Variants in EDDM13 observed in about 807,000 individuals in gnomAD.
EDDM13 encodes the protein epididymal protein 13.
EDDM13 carries 24 observed loss-of-function variants against 17.8 expected under a neutral mutation model. That is an observed-to-expected ratio of 1.35 (90% CI 0.98 to 1.90). The LOEUF (loss-of-function observed/expected upper bound fraction) is 1.90, where lower values mean the gene tolerates loss of function less well. Ranked by LOEUF, EDDM13 falls within the 40% of genes most tolerant of loss-of-function variation. The pLI, the probability that EDDM13 is intolerant of heterozygous loss-of-function variation, is 0.00. For synonymous variants in EDDM13, 31 were observed against 37.5 expected (o/e 0.83, Z 0.63); for missense variants, 97 against 100.8 (o/e 0.96, Z 0.16).
At chr19:56,304,538 C>T (rs2040558628) in intron 13 of EDDM13, among the ~76,000 whole-genome samples, 1 of 152,102 alleles carries the variant, frequency 6.6e-6, no homozygotes, top group Non-Finnish European at 1.5e-5. Flanking sequence ...GCTGAGAAAC[C>T]CCAGCTTAGG....
chr19:56,280,318 T>C (rs1322533874), intron 2 of EDDM13, among the ~76,000 whole-genome samples: 1 of 152,204 alleles, frequency 6.6e-6, no homozygotes, highest in African/African-American at 2.4e-5. Context: ...ATTTCTTGTA[T>C]GGAAGTCCAC....
intron 9 of EDDM13, among the ~76,000 whole-genome samples, chr19:56,294,225 C>T (rs2039709718): frequency 6.6e-6 from 1 of 152,158 alleles, no homozygotes; most frequent in African/African-American, 2.4e-5. Flanking sequence ...GCCTAAGGGC[C>T]CACCAGGTGC....
intron 8 of EDDM13, among the ~76,000 whole-genome samples, chr19:56,290,389 A>G (rs971342691): frequency 2.6e-5 from 4 of 152,232 alleles, no homozygotes; most frequent in Non-Finnish European, 4.4e-5. Flanking sequence ...TGTGGCCTGC[A>G]AAGCCTACAC....
Position 56,297,521 on chromosome 19 carries a change from C to G in EDDM13, c.285C>G (p.Cys95Trp), listed in dbSNP as rs1358675932. ...LQVLHEETSG[C>W]KEEVKPFSGT... ...CATTTTTAGAAGAAACAAGTGGCTG[C>G]AAGGAGGAAGGTAAGTGCTTGGGGT... Residue 95 changes from cysteine (C) to tryptophan (W), a missense_variant, in exon 12 of 15, where the codon TGC becomes TGG. Transcript: ENST00000649256. 1.0e-6 allele frequency: 1 copy of G among 984,984 alleles called. No individual in the cohort carries two copies. Among genetic ancestry groups the G allele is most frequent in the East Asian group, 1.1e-4 (1 of 8,812 alleles). 61.0% of individuals were successfully genotyped at this position (984,984 alleles called of 1,614,324 possible).
intron 9 of EDDM13, chr19:56,295,057 T>C (rs1339045816): frequency 6.6e-6 from 1 of 152,252 alleles, no homozygotes; most frequent in Non-Finnish European, 1.5e-5. Flanking sequence ...GTACACGGTT[T>C]CTTTTTCAGG....
At chr19:56,304,872 T>G (rs1600244371) in intron 14 of EDDM13, 42 bp downstream of exon 14, 2 of 894,640 alleles carry the variant, frequency 2.2e-6, no homozygotes, top group Non-Finnish European at 2.7e-6. Context: ...ACCGCTGGGG[T>G]GGGGTTAGGG....
At chr19:56,303,754 T>G (rs182716562) in intron 13 of EDDM13, among the ~76,000 whole-genome samples, 19 of 152,204 alleles carry the variant, frequency 1.2e-4, no homozygotes, top group Admixed American at 4.6e-4. Flanking sequence ...AAACATGAAC[T>G]AAATCAGGGT....
intron 11 of EDDM13, among the ~76,000 whole-genome samples, chr19:56,297,119 A>T (rs1438503183): frequency 6.6e-6 from 1 of 152,114 alleles, no homozygotes; most frequent in Non-Finnish European, 1.5e-5. Context: ...CATGTGAGCA[A>T]AGGCTTGAAG....
chr19:56,307,279 T>TG (rs2040751274), intron 14 of EDDM13, among the ~76,000 whole-genome samples: 1 of 152,168 alleles, frequency 6.6e-6, no homozygotes, highest in Admixed American at 6.5e-5. Flanking sequence ...CATTAAAAAA[T>TG]GTCAACTCGA....
intron 2 of EDDM13, among the ~76,000 whole-genome samples, chr19:56,278,650 G>A (rs924580481): frequency 7.2e-5 from 11 of 152,202 alleles, no homozygotes; most frequent in African/African-American, 2.4e-4. Context: ...TGTGGGGTCT[G>A]CAAGCTGCAG....
chr19:56,304,603 T>C (rs902458487), intron 13 of EDDM13, among the ~76,000 whole-genome samples, 190 bp from the exon 14 acceptor site: 3 of 150,342 alleles, frequency 2.0e-5, no homozygotes, highest in Non-Finnish European at 4.4e-5. Context: ...GGGAAGAAGG[T>C]GGGAGTGGTG....
chr19:56,308,199 A>C (rs2040821964), intron 14 of EDDM13, among the ~76,000 whole-genome samples: 1 of 151,824 alleles, frequency 6.6e-6, no homozygotes, highest in South Asian at 2.1e-4. Context: ...ACGCCCAGCT[A>C]AGTTTTGTAC....
intron 8 of EDDM13, among the ~76,000 whole-genome samples, chr19:56,290,444 TGAGCTA>T (rs2039436329): frequency 1.3e-5 from 2 of 152,358 alleles, no homozygotes; most frequent in African/African-American, 4.8e-5. Flanking sequence ...TATTGACCTC[TGAGCTA>T]GAGCAGTGCT....
intron 2 of EDDM13, among the ~76,000 whole-genome samples, chr19:56,276,716 C>T (rs62122536): frequency 0.42 from 63,556 of 151,180 alleles, 14,500 homozygotes; most frequent in Non-Finnish European, 0.51. Flanking sequence ...TTTGTATTTT[C>T]AGTATAGACG....
chr19:56,305,576 G>T (rs897606438), intron 14 of EDDM13, among the ~76,000 whole-genome samples: 3 of 152,094 alleles, frequency 2.0e-5, no homozygotes, highest in African/African-American at 7.2e-5. Context: ...AAAATCTTTT[G>T]GGGTACAAAC....
intron 1 of EDDM13, among the ~76,000 whole-genome samples, chr19:56,275,103 A>ACTT (rs2038149479): frequency 6.6e-6 from 1 of 152,210 alleles, no homozygotes; most frequent in South Asian, 2.1e-4. Context: ...CATGGTGTAA[A>ACTT]CTTTAGTCCC....
chr19:56,284,870 A>G (rs2038987913), intron 5 of EDDM13, 128 bp from the exon 6 acceptor site: 1 of 252,802 alleles, frequency 4.0e-6, no homozygotes, highest in Admixed American at 6.5e-5. Flanking sequence ...AGGCATCATG[A>G]CTGAGGCATT....
chr19:56,294,021 T>G (rs902486489), intron 9 of EDDM13, among the ~76,000 whole-genome samples: 1 of 152,220 alleles, frequency 6.6e-6, no homozygotes, highest in Non-Finnish European at 1.5e-5. Context: ...TCTGCCTTGC[T>G]CCTTTCGCTC....
intron 4 of EDDM13, 73 bp downstream of exon 4, chr19:56,282,572 A>G (rs1401510465): frequency 4.2e-5 from 38 of 906,978 alleles, no homozygotes; most frequent in Non-Finnish European, 5.0e-5. Context: ...TTGCTGCTGA[A>G]CTTCGACTTA....
Sources: gnomAD v4.1 joint callset for allele counts (sites outside exome capture counted in the v4.1 genomes callset) on GRCh38, gnomAD v4.1.1 for gene constraint, MANE v1.5 for transcripts, NCBI Gene and HGNC (gene_info 2026-07-23, HGNC 2026-07-21) for gene names.